The following ARHGEF7 variants were observed in gnomAD, a reference collection of about 807,000 sequenced individuals.
ARHGEF7 encodes PAK-interacting exchange factor beta.
In ARHGEF7, 33 loss-of-function variants were observed where a neutral mutation model predicts 109.8. The ratio of observed to expected loss-of-function variants is 0.30; its 90% CI spans 0.23 to 0.40. The LOEUF is 0.40. Among genes scored for constraint, ARHGEF7 ranks in the 10% least tolerant of loss-of-function variants. The pLI is 1.00. For missense variants in ARHGEF7, 938 were observed against 1,098.5 expected (o/e 0.85, Z 2.07); for synonymous variants, 458 against 424.6 (o/e 1.08, Z -0.97).
chr13:111,292,618 AG>A, intron 19 of ARHGEF7: 1 of 1,214,048 alleles, frequency 8.2e-7, no homozygotes, highest in South Asian at 2.3e-5. Context: ...TTTTATTCTC[AG>A]TGTAGCAACT....
At chr13:111,269,543 A>C (rs1029092110) in intron 9 of ARHGEF7, among the ~76,000 whole-genome samples, 4 of 152,216 alleles carry the variant, frequency 2.6e-5, no homozygotes, top group Admixed American at 1.3e-4. Flanking sequence ...GAAAGAATAC[A>C]GGTGGGTTTT....
At chr13:111,256,990 G>A (rs765562132) in intron 8 of ARHGEF7, among the ~76,000 whole-genome samples, 3 of 152,190 alleles carry the variant, frequency 2.0e-5, no homozygotes, top group Non-Finnish European at 4.4e-5. Context: ...GGCAATTTTT[G>A]CTTCTTGAAA....
chr13:111,276,280 G>T (rs1273108178), intron 12 of ARHGEF7, among the ~76,000 whole-genome samples: 1 of 152,058 alleles, frequency 6.6e-6, no homozygotes, highest in African/African-American at 2.4e-5. Context: ...TTCTACCTTT[G>T]CAAAAATAAC....
intron 1 of ARHGEF7, among the ~76,000 whole-genome samples, chr13:111,128,106 C>T (rs1434622941): frequency 6.6e-6 from 1 of 152,162 alleles, no homozygotes; most frequent in East Asian, 1.9e-4. Context: ...CTATGTGAGA[C>T]TCAATGGTGA....
chr13:111,186,811 T>TGC, intron 2 of ARHGEF7: 1 of 985,396 alleles, frequency 1.0e-6, no homozygotes, highest in Non-Finnish European at 1.2e-6. Flanking sequence ...CCAGAAAGTG[T>TGC]GCGCTCAGTC....
In ARHGEF7 at chr13:111,303,699, C is replaced by T. The variant is rs1277020792; in HGVS notation, c.*586C>T. 2 of 152,262 alleles carry T rather than the reference C, an allele frequency of 1.3e-5. No homozygotes were observed. Among genetic ancestry groups the T allele is most frequent in the Non-Finnish European group, 2.9e-5 (2 of 68,074 alleles). The allele number at this position is 152,262 out of a possible 1,614,324, so 9.4% of individuals were successfully genotyped here. On this transcript the variant is annotated 3_prime_UTR_variant, in exon 22 of 22. Coordinates refer to ENST00000646102, the MANE Select transcript of ARHGEF7 (RefSeq NM_001354046.2). ...TGCAGAGATACACTTCAGTCCCATT[C>T]AGAAGTCTTCTCTTAAAGCAGCATT...
chr13:111,149,621 CTTAT>C (rs1234356322), intron 1 of ARHGEF7, among the ~76,000 whole-genome samples: 5 of 152,132 alleles, frequency 3.3e-5, no homozygotes, highest in Non-Finnish European at 5.9e-5. Context: ...TTGAAGATAG[CTTAT>C]TTAATATAAA....
intron 1 of ARHGEF7, among the ~76,000 whole-genome samples, chr13:111,137,460 C>G: frequency 6.6e-6 from 1 of 152,232 alleles, no homozygotes; most frequent in Admixed American, 6.5e-5. Context: ...AGGCTGCTCA[C>G]TCACCTTGGT....
chr13:111,289,120 C>T (rs1362534012), intron 18 of ARHGEF7, among the ~76,000 whole-genome samples: 1 of 152,108 alleles, frequency 6.6e-6, no homozygotes, highest in East Asian at 1.9e-4. Context: ...CAACCTCTGC[C>T]TCCTGGGTTC....
At chr13:111,140,872 T>G (rs1262702184) in intron 1 of ARHGEF7, among the ~76,000 whole-genome samples, 2 of 152,004 alleles carry the variant, frequency 1.3e-5, no homozygotes, top group African/African-American at 2.4e-5. Flanking sequence ...AGAGACAGGG[T>G]CTTGCTATGT....
Position 111,166,119 on chromosome 13 carries a change from T to A in ARHGEF7, c.252+12128T>A, listed in dbSNP as rs530752110. ...CATTAGCCCAGGCTGTCCACATCCC[T>A]CACCTGGATCACTGCAGCAGCTCCT... On this transcript the variant is annotated intron_variant, in intron 2 of 21. Coordinates refer to ENST00000646102, the MANE Select transcript of ARHGEF7 (RefSeq NM_001354046.2). Among the ~76,000 whole-genome samples the A allele has an allele frequency of 2.6e-5, 4 of 152,326 alleles. 1 individual carries two copies. The South Asian group carries it at 8.3e-4, about 32-fold the overall frequency.
Position 111,286,177 on chromosome 13 carries a change from A to C in ARHGEF7, c.1981A>C (p.Lys661Gln). 6.2e-7 allele frequency: 1 copy of C among 1,613,984 alleles called. No homozygotes were observed. The highest frequency in any genetic ancestry group is 8.5e-7 in the Non-Finnish European group (1 of 1,179,964). The part of the protein sequence containing the change: ...DLSKSPKTMK[K>Q]LLPKRKPERK... ...TAGTAAGAGCCCTAAGACCATGAAA[A>C]AGCTGCTGCCCAAGCGCAAACCTGA... is the stretch of plus-strand genomic sequence containing the variant. The change falls in exon 17 of 22, where the codon AAG (lysine) becomes CAG (glutamine). Residue 661 changes from lysine to glutamine, a missense_variant. Lys to Gln is a moderately conservative substitution (Grantham distance 53). Transcript: ENST00000646102.
intron 2 of ARHGEF7, among the ~76,000 whole-genome samples, chr13:111,175,150 G>A (rs956472870): frequency 5.3e-5 from 8 of 152,150 alleles, no homozygotes; most frequent in South Asian, 2.1e-4. Flanking sequence ...ATTTCTTTTC[G>A]TAATAGTTCA....
intron 9 of ARHGEF7, among the ~76,000 whole-genome samples, chr13:111,269,056 C>G (rs2091911653): frequency 6.6e-6 from 1 of 152,134 alleles, no homozygotes; most frequent in Admixed American, 6.5e-5. Context: ...AAGGAAAACC[C>G]AAAGAACCCT....
chr13:111,158,712 TTTTC>T (rs1353256386), intron 2 of ARHGEF7, among the ~76,000 whole-genome samples: 4 of 152,240 alleles, frequency 2.6e-5, no homozygotes, highest in Admixed American at 6.5e-5. Flanking sequence ...ATCCAGTTTC[TTTTC>T]TTTAATTCTT....
At chr13:111,128,185 A>G (rs1306515786) in intron 1 of ARHGEF7, among the ~76,000 whole-genome samples, 3 of 152,258 alleles carry the variant, frequency 2.0e-5, no homozygotes, top group Non-Finnish European at 2.9e-5. Context: ...CTTCTGTTCA[A>G]CCTTACACTG....
At chr13:111,276,642 T>C (rs2092501804) in intron 12 of ARHGEF7, among the ~76,000 whole-genome samples, 1 of 152,252 alleles carries the variant, frequency 6.6e-6, no homozygotes, top group Non-Finnish European at 1.5e-5. Flanking sequence ...AAAGATTCTT[T>C]ATGATAGAGC....
In ARHGEF7 at chr13:111,233,235, T is replaced by C; in HGVS notation, c.701T>C (p.Leu234Pro). The change falls in exon 6 of 22, where the codon CTG becomes CCG. Residue 234 changes from leucine (L) to proline (P), a missense_variant. This residue lies in a region of ARHGEF7 where 585 missense variants were observed against 723.6 expected (regional missense o/e 0.81). Coordinates refer to ENST00000646102, the MANE Select transcript of ARHGEF7 (RefSeq NM_001354046.2). ...CCTGTGTCTCCCAAATCAGGAACAC[T>C]GAAGAGCCCTCCCAAAGGATTTGAT... ...EKPVSPKSGT[L>P]KSPPKGFDTT... is the part of the protein sequence containing the mutation. 6.2e-7 allele frequency: 1 copy of C among 1,614,138 alleles called. No homozygotes were observed. Among genetic ancestry groups the C allele is most frequent in the Non-Finnish European group, 8.5e-7 (1 of 1,179,970 alleles).
intron 8 of ARHGEF7, among the ~76,000 whole-genome samples, chr13:111,250,882 C>T (rs1237017411): frequency 1.3e-5 from 2 of 152,262 alleles, no homozygotes; most frequent in Admixed American, 6.5e-5. Context: ...GGGATGGGAG[C>T]AGAGTTTCTA....
Sources: gnomAD v4.1 joint callset for allele counts (sites outside exome capture counted in the v4.1 genomes callset) on GRCh38, gnomAD v4.1.1 for gene constraint, gnomAD v4.1.1 regional missense constraint, MANE v1.5 for transcripts, NCBI Gene and HGNC (gene_info 2026-07-23, HGNC 2026-07-21) for gene names.